Variants in SLC4A4 observed in about 807,000 individuals in gnomAD.
SLC4A4 encodes electrogenic sodium bicarbonate cotransporter 1.
In SLC4A4, 27 loss-of-function variants were observed where a neutral mutation model predicts 111.5. The ratio of observed to expected loss-of-function variants is 0.24; its 90% CI spans 0.18 to 0.33. The LOEUF is 0.33. Among genes scored for constraint, SLC4A4 ranks in the 10% least tolerant of loss-of-function variants. The probability of loss-of-function intolerance (pLI) is 1.00; values close to 1 mark genes in which losing one functional copy is unlikely to be tolerated. For synonymous variants in SLC4A4, 443 were observed against 463.4 expected (o/e 0.96, Z 0.57); for missense variants, 909 against 1,315.5 (o/e 0.69, Z 4.78).
intron 8 of SLC4A4, among the ~76,000 whole-genome samples, chr4:71,447,079 G>A (rs779190599): frequency 2.6e-5 from 4 of 152,214 alleles, no homozygotes; most frequent in Non-Finnish European, 4.4e-5. Flanking sequence ...GCTTTATTTT[G>A]AATTTCTCTC....
chr4:71,282,180 A>C (rs1723571712), intron 3 of SLC4A4, among the ~76,000 whole-genome samples: 1 of 152,114 alleles, frequency 6.6e-6, no homozygotes, highest in Admixed American at 6.6e-5. Flanking sequence ...CTTTGGTAAA[A>C]TTAAAAGTAG....
At chr4:71,364,397 A>G (rs1436823083) in intron 6 of SLC4A4, among the ~76,000 whole-genome samples, 1 of 152,216 alleles carries the variant, frequency 6.6e-6, no homozygotes, top group Non-Finnish European at 1.5e-5. Flanking sequence ...GTGAGATACC[A>G]TTGTGCTTTG....
intron 2 of SLC4A4, among the ~76,000 whole-genome samples, chr4:71,136,956 A>G (rs568499977): frequency 6.6e-6 from 1 of 152,288 alleles, no homozygotes; most frequent in African/African-American, 2.4e-5. Context: ...TCCAAGGTCT[A>G]TGCTCTTACT....
intron 3 of SLC4A4, among the ~76,000 whole-genome samples, chr4:71,268,527 G>T (rs1009211013): frequency 6.6e-6 from 1 of 152,230 alleles, no homozygotes; most frequent in Non-Finnish European, 1.5e-5. Flanking sequence ...TAGGACAAGA[G>T]GAGACATTTC....
At position 71,571,716 on chromosome 4, in the gene SLC4A4, G is replaced by A. The variant is rs1032925144; in HGVS notation, c.*3965G>A. On this transcript the variant is annotated 3_prime_UTR_variant, in exon 26 of 26. Coordinates refer to ENST00000264485, the MANE Select transcript of SLC4A4 (RefSeq NM_001098484.3). ...AAGAGTGAATAGTTGCCTCTTTTTAGCCATTTTCATGGCTGGTACATATTC... is the reference window on the plus strand; with the variant it reads ...AAGAGTGAATAGTTGCCTCTTTTTAACCATTTTCATGGCTGGTACATATTC... 1.3e-5 allele frequency: 2 copies of A among 152,190 alleles called. No homozygotes were observed. The highest frequency in any genetic ancestry group is 2.9e-5 in the Non-Finnish European group (2 of 67,850). The allele number at this position is 152,190 out of a possible 1,614,324, so 9.4% of individuals were successfully genotyped here.
intron 6 of SLC4A4, among the ~76,000 whole-genome samples, chr4:71,382,569 A>G (rs905612394): frequency 1.6e-4 from 24 of 152,350 alleles, no homozygotes; most frequent in African/African-American, 5.8e-4. Flanking sequence ...ACAGTTTACC[A>G]CATAAAAATG....
chr4:71,139,926 A>G (rs1420373221), intron 2 of SLC4A4, among the ~76,000 whole-genome samples: 2 of 152,136 alleles, frequency 1.3e-5, no homozygotes, highest in Non-Finnish European at 2.9e-5. Flanking sequence ...CTATTCTGCT[A>G]TTTAATATTA....
chr4:71,349,299 G>T (rs958923350), intron 4 of SLC4A4, among the ~76,000 whole-genome samples: 3 of 152,154 alleles, frequency 2.0e-5, no homozygotes, highest in Admixed American at 6.6e-5. Context: ...GAAGGGTAAA[G>T]CTTTTAAAAT....
chr4:71,555,154 T>G lies in SLC4A4; in HGVS notation c.2709T>G (p.Pro903=). The change falls in exon 21 of 26, where the codon CCT becomes CCG. Residue 903 remains proline, a synonymous_variant. Coordinates refer to ENST00000264485, the MANE Select transcript of SLC4A4 (RefSeq NM_001098484.3). ...TTTCCTTCTAGTTTATACCCATGCC[T>G]GTACTCTATGGTGTGTTCCTGTATA... ...MAPILKFIPM[P]VLYGVFLYMG... 1 of 1,609,578 alleles carries G rather than the reference T, an allele frequency of 6.2e-7. No individual in the cohort carries two copies. Among genetic ancestry groups the G allele is most frequent in the Non-Finnish European group, 8.5e-7 (1 of 1,176,492 alleles).
chr4:71,470,181 A>G (rs1339522045), intron 13 of SLC4A4, among the ~76,000 whole-genome samples: 1 of 152,040 alleles, frequency 6.6e-6, no homozygotes, highest in East Asian at 1.9e-4. Flanking sequence ...TCAAATTTCT[A>G]GAACTCAGTT....
At chr4:71,461,353 T>C (rs1726804656) in intron 12 of SLC4A4, among the ~76,000 whole-genome samples, 1 of 152,164 alleles carries the variant, frequency 6.6e-6, no homozygotes, top group African/African-American at 2.4e-5. Flanking sequence ...TTAGCCTTTT[T>C]TCCCCTTCTG....
chr4:71,232,177 A>T (rs1719477761), intron 1 of SLC4A4, among the ~76,000 whole-genome samples: 1 of 152,182 alleles, frequency 6.6e-6, no homozygotes, highest in African/African-American at 2.4e-5. Context: ...ATTGTCTGTC[A>T]GAAAGAACGA....
intron 1 of SLC4A4, among the ~76,000 whole-genome samples, chr4:71,071,284 AAAG>A (rs1338301447): frequency 1.4e-5 from 2 of 146,520 alleles, no homozygotes; most frequent in Non-Finnish European, 3.0e-5. Context: ...AAAAAAAAGG[AAAG>A]AAGAAGAAGA....
At chr4:71,103,344 C>T (rs1341175260) in intron 2 of SLC4A4, among the ~76,000 whole-genome samples, 1 of 152,132 alleles carries the variant, frequency 6.6e-6, no homozygotes, top group Non-Finnish European at 1.5e-5. Flanking sequence ...ATCCCACTGT[C>T]AACATTAGAC....
intron 3 of SLC4A4, among the ~76,000 whole-genome samples, chr4:71,333,492 C>G (rs184664784): frequency 2.5e-3 from 376 of 152,314 alleles, no homozygotes; most frequent in South Asian, 5.0e-3. Context: ...TCGAAGTCAG[C>G]ACAGCATTGG....
intron 23 of SLC4A4, among the ~76,000 whole-genome samples, chr4:71,561,687 A>G (rs1022040944): frequency 4.0e-5 from 6 of 151,826 alleles, no homozygotes; most frequent in Admixed American, 1.3e-4. Context: ...TGATGACAGA[A>G]AAAGAATGTG....
intron 16 of SLC4A4, among the ~76,000 whole-genome samples, chr4:71,528,113 C>T (rs1578119256): frequency 6.6e-6 from 1 of 152,204 alleles, no homozygotes; most frequent in Non-Finnish European, 1.5e-5. Context: ...TGGTATATTA[C>T]AGACAGTTGC....
chr4:71,107,883 G>C (rs766076042), intron 2 of SLC4A4, among the ~76,000 whole-genome samples: 1 of 151,718 alleles, frequency 6.6e-6, no homozygotes, highest in Non-Finnish European at 1.5e-5. Flanking sequence ...TTTAATTTTT[G>C]TGAAGACAGG....
chr4:71,204,556 A>G (rs1447950753), intron 1 of SLC4A4, among the ~76,000 whole-genome samples: 1 of 152,134 alleles, frequency 6.6e-6, no homozygotes. Flanking sequence ...TTGCAATACT[A>G]TTTTTTAAAA....
Sources: gnomAD v4.1 joint callset for allele counts (sites outside exome capture counted in the v4.1 genomes callset) on GRCh38, gnomAD v4.1.1 for gene constraint, MANE v1.5 for transcripts, NCBI Gene and HGNC (gene_info 2026-07-23, HGNC 2026-07-21) for gene names.